Variants in TFB2M observed in about 807,000 individuals in gnomAD.
TFB2M encodes the protein dimethyladenosine transferase 2, mitochondrial.
In TFB2M, 44 loss-of-function variants were observed where a neutral mutation model predicts 41.3. The observed-to-expected ratio is 1.07, with a 90% CI of 0.84 to 1.37. TFB2M has a LOEUF of 1.37. Among genes scored for constraint, TFB2M ranks in the 40% most tolerant of loss-of-function variants. TFB2M has a pLI of 0.00. For missense variants in TFB2M, 496 were observed against 490.2 expected (o/e 1.01, Z -0.11); for synonymous variants, 188 against 176.8 (o/e 1.06, Z -0.50).
chr1:246,542,044 C>T (rs1658871827), intron 7 of TFB2M, among the ~76,000 whole-genome samples: 1 of 152,124 alleles, frequency 6.6e-6, no homozygotes, highest in Non-Finnish European at 1.5e-5. Context: ...ATGGCATAGC[C>T]TATTGCTCCA....
chr1:246,544,619 T>C lies in TFB2M; in HGVS notation c.921A>G (p.Leu307=). ...YLIQMIPRQN[L]FTKNLTPMNY... is the part of the protein sequence containing the mutation. ...TCATAGGTGTTAAGTTCTTGGTAAA[T>C]AAATTTTGACGAGGAATCATTTGAA... is the stretch of plus-strand genomic sequence containing the variant. The change falls in exon 7 of 8, where the codon TTA becomes TTG. Residue 307 remains leucine, a synonymous_variant. Transcript: ENST00000366514. 1.2e-6 allele frequency: 2 copies of C among 1,609,082 alleles called. No individual in the cohort carries two copies. Among genetic ancestry groups the C allele is most frequent in the Non-Finnish European group, 1.7e-6 (2 of 1,178,884 alleles).
At chr1:246,565,757 C>A in intron 1 of TFB2M, 69 bp downstream of exon 1, 1 of 1,509,356 alleles carries the variant, frequency 6.6e-7, no homozygotes, top group South Asian at 1.2e-5. Flanking sequence ...TAAAATAGCA[C>A]CCCGAGGAGG....
At chr1:246,550,809 G>C (rs1659155180) in intron 5 of TFB2M, among the ~76,000 whole-genome samples, 1 of 152,236 alleles carries the variant, frequency 6.6e-6, no homozygotes, top group African/African-American at 2.4e-5. Flanking sequence ...CTTGAATACA[G>C]GATGTAGAGG....
At chr1:246,559,352 G>A (rs1462744965) in intron 2 of TFB2M, among the ~76,000 whole-genome samples, 1 of 152,124 alleles carries the variant, frequency 6.6e-6, no homozygotes, top group East Asian at 1.9e-4. Flanking sequence ...AGTTTGAGAT[G>A]AGCACGGCCA....
chr1:246,564,444 T>A lies in TFB2M; in HGVS notation c.314-10A>T. 1.2e-6 allele frequency: 2 copies of A among 1,612,456 alleles called. No homozygotes were observed. The highest frequency in any genetic ancestry group is 1.7e-6 in the Non-Finnish European group (2 of 1,178,764). ...GTCAGGATTCCAGGACCTGGCACAT[T>A]AACAGAACGAAAAGTTTATTTGTAC... On this transcript the variant is annotated splice_polypyrimidine_tract_variant and intron_variant, in intron 1 of 7. Transcript: ENST00000366514.
At chr1:246,553,216 G>A (rs1026701840) in intron 4 of TFB2M, among the ~76,000 whole-genome samples, 12 of 152,044 alleles carry the variant, frequency 7.9e-5, no homozygotes, top group African/African-American at 1.9e-4. Context: ...GCAAGACTCC[G>A]TCTAAAAAAA....
chr1:246,548,371 T>TGA (rs1553363887), intron 6 of TFB2M, among the ~76,000 whole-genome samples, 174 bp downstream of exon 6: 2 of 152,166 alleles, frequency 1.3e-5, no homozygotes, highest in African/African-American at 4.8e-5. Context: ...TAACAGCTGA[T>TGA]AACTCTTCCA....
chr1:246,558,157 C>CTTT (rs11438177), intron 2 of TFB2M, among the ~76,000 whole-genome samples: 28 of 141,026 alleles, frequency 2.0e-4, no homozygotes, highest in African/African-American at 6.3e-4. Context: ...TATCTGTTTA[C>CTTT]TTTTTTTTTT....
At chr1:246,546,236 C>G (rs948311109) in intron 6 of TFB2M, among the ~76,000 whole-genome samples, 1 of 150,430 alleles carries the variant, frequency 6.6e-6, no homozygotes, top group African/African-American at 2.4e-5. Flanking sequence ...ACTTGAGTCC[C>G]GGGAGTTTGA....
chr1:246,554,870 G>A (rs1308736744), intron 4 of TFB2M, among the ~76,000 whole-genome samples: 1 of 152,084 alleles, frequency 6.6e-6, no homozygotes, highest in Non-Finnish European at 1.5e-5. Context: ...TCATCAAAAT[G>A]AAAAACTTTG....
In TFB2M at chr1:246,545,682, G is replaced by A. The variant is rs1403273043; in HGVS notation, c.859-1001C>T. Among the ~76,000 whole-genome samples, 12 of 152,080 alleles carry A rather than the reference G, an allele frequency of 7.9e-5. No individual in the cohort carries two copies. In the South Asian group the frequency reaches 2.3e-3, roughly 29 times the overall value. On this transcript the variant is annotated intron_variant, in intron 6 of 7. Coordinates refer to ENST00000366514, the MANE Select transcript of TFB2M (RefSeq NM_022366.3). Reference sequence around the variant, plus strand: ...ACAAAAATTGGCAGGGTATGGTGGTGCATGCCTGTAGCCCCAGCTACTTAG... The same window carrying A: ...ACAAAAATTGGCAGGGTATGGTGGTACATGCCTGTAGCCCCAGCTACTTAG...
intron 1 of TFB2M, among the ~76,000 whole-genome samples, chr1:246,564,991 C>A (rs983151118): frequency 1.3e-5 from 2 of 152,044 alleles, no homozygotes; most frequent in Non-Finnish European, 2.9e-5. Context: ...AACTTGCACT[C>A]TTCATCACCA....
rs116049468 is a variant in TFB2M, at chr1:246,562,506, A to T, written c.402+1840T>A. Among the ~76,000 whole-genome samples, 845 of 152,320 alleles carry T rather than the reference A, an allele frequency of 5.5e-3. 9 individuals carry two copies. The highest frequency in any genetic ancestry group is 0.019 in the African/African-American group (809 of 41,564). ...TGAAACTTTTTGAGTGTCAACATGA[A>T]GCCAAAAGTGGAAAATTTGACACCC... On this transcript the variant is annotated intron_variant, in intron 2 of 7. Coordinates refer to ENST00000366514, the MANE Select transcript of TFB2M (RefSeq NM_022366.3).
At chr1:246,541,746 A>G (rs1658862551) in intron 7 of TFB2M, among the ~76,000 whole-genome samples, 1 of 152,250 alleles carries the variant, frequency 6.6e-6, no homozygotes, top group African/African-American at 2.4e-5. Context: ...CCTTTCTGCA[A>G]AAAATATTCT....
At chr1:246,551,682 C>A in intron 4 of TFB2M, among the ~76,000 whole-genome samples, 1 of 146,652 alleles carries the variant, frequency 6.8e-6, no homozygotes, top group South Asian at 2.2e-4. Context: ...ATAGTGAGAC[C>A]GCATCTCTTA....
At chr1:246,552,618 G>T (rs958204006) in intron 4 of TFB2M, among the ~76,000 whole-genome samples, 6 of 151,754 alleles carry the variant, frequency 4.0e-5, no homozygotes, top group Non-Finnish European at 8.8e-5. Flanking sequence ...AGTGTCACTT[G>T]AGCCCAGGAG....
Position 246,556,627 on chromosome 1 carries a change from T to C in TFB2M, c.651A>G (p.Ile217Met), listed in dbSNP as rs368832805. The C allele has an allele frequency of 4.1e-5, 64 of 1,562,046 alleles. No individual in the cohort carries two copies. The highest frequency in any genetic ancestry group is 5.2e-5 in the Non-Finnish European group (60 of 1,157,498). The change falls in exon 4 of 8, where the codon ATA (isoleucine) becomes ATG (methionine). Residue 217 changes from isoleucine (I) to methionine (M), a missense_variant. Ile to Met is a conservative substitution (Grantham distance 10). Coordinates refer to ENST00000366514, the MANE Select transcript of TFB2M (RefSeq NM_022366.3). ...TTACTTCTATTCGTCCAAATTTATA[T>C]ATAGAAGTACAGGAATACAAGTCAT... ...LAYDLYSCTSIYKFGRIEVNM... is the reference protein window; with the variant it reads ...LAYDLYSCTSMYKFGRIEVNM...
At chr1:246,556,520 C>CA in intron 4 of TFB2M, 53 bp downstream of exon 4, 1 of 1,321,042 alleles carries the variant, frequency 7.6e-7, no homozygotes, top group Non-Finnish European at 1.0e-6. Context: ...TAAGAGTACT[C>CA]AGAGAAAAAT....
In TFB2M at chr1:246,556,611, T is replaced by G. The variant is rs1385852439; in HGVS notation, c.667A>C (p.Ile223Leu). Reference sequence around the variant, plus strand: ...TCACCAATAAACATATTTACTTCTATTCGTCCAAATTTATATATAGAAGTA... The same window carrying G: ...TCACCAATAAACATATTTACTTCTAGTCGTCCAAATTTATATATAGAAGTA... ...SCTSIYKFGR[I>L]EVNMFIGEKE... The change falls in exon 4 of 8, where the codon ATA (isoleucine) becomes CTA (leucine). Residue 223 changes from isoleucine to leucine, a missense_variant. Coordinates refer to ENST00000366514, the MANE Select transcript of TFB2M (RefSeq NM_022366.3). The G allele has an allele frequency of 6.5e-7, 1 of 1,542,542 alleles. No homozygotes were observed. The highest frequency in any genetic ancestry group is 8.7e-7 in the Non-Finnish European group (1 of 1,147,134).
Sources: allele counts gnomAD v4.1 joint callset (sites outside exome capture counted in the v4.1 genomes callset), GRCh38; gene constraint gnomAD v4.1.1; transcripts MANE v1.5; gene names NCBI Gene and HGNC (gene_info 2026-07-23, HGNC 2026-07-21).